GYG1: variants seen among roughly 807,000 people sequenced by gnomAD.
GYG1 encodes the protein glycogenin 1.
A neutral mutation model predicts 41.9 loss-of-function variants in GYG1; 44 were observed. That is an observed-to-expected ratio of 1.05 (90% CI 0.83 to 1.35). GYG1 has a LOEUF of 1.35. GYG1 is among the 40% of genes most tolerant of loss of function. The pLI, the probability that GYG1 is intolerant of heterozygous loss-of-function variation, is 0.00. For missense variants in GYG1, 429 were observed against 418.9 expected (o/e 1.02, Z -0.21); for synonymous variants, 141 against 158.1 (o/e 0.89, Z 0.81).
intron 5 of GYG1, among the ~76,000 whole-genome samples, chr3:149,016,798 G>T (rs16861285): frequency 0.018 from 2,742 of 152,278 alleles, 87 homozygotes; most frequent in African/African-American, 0.062. Flanking sequence ...TTGTGAGTGC[G>T]TGAGAGAGGA....
chr3:149,018,180 C>G (rs536073197), intron 5 of GYG1, among the ~76,000 whole-genome samples: 1 of 152,080 alleles, frequency 6.6e-6, no homozygotes, highest in African/African-American at 2.4e-5. Flanking sequence ...AGACATTTCT[C>G]AGAGAACGTA....
At chr3:149,023,116 T>C (rs1714458750) in intron 5 of GYG1, among the ~76,000 whole-genome samples, 1 of 152,186 alleles carries the variant, frequency 6.6e-6, no homozygotes. Flanking sequence ...CTGTTCCATG[T>C]TTCTTTTTTC....
chr3:149,021,775 T>A (rs1413731003), intron 5 of GYG1, among the ~76,000 whole-genome samples: 10 of 151,770 alleles, frequency 6.6e-5, no homozygotes, highest in Non-Finnish European at 2.9e-5. Context: ...TTTTTTTTTT[T>A]AATAAACTTT....
intron 4 of GYG1, among the ~76,000 whole-genome samples, chr3:148,997,661 T>C (rs923746591): frequency 2.0e-5 from 3 of 152,192 alleles, no homozygotes; most frequent in Non-Finnish European, 4.4e-5. Flanking sequence ...ACAAAACCAA[T>C]AGTTAATATG....
chr3:149,017,937 T>C (rs1247174505), intron 5 of GYG1, among the ~76,000 whole-genome samples: 1 of 152,046 alleles, frequency 6.6e-6, no homozygotes, highest in Admixed American at 6.6e-5. Context: ...AGCCATGCAA[T>C]GTAAATTCTG....
intron 6 of GYG1, among the ~76,000 whole-genome samples, 162 bp downstream of exon 6, chr3:149,024,434 G>A (rs1714541189): frequency 6.6e-6 from 1 of 152,214 alleles, no homozygotes; most frequent in Non-Finnish European, 1.5e-5. Context: ...TTACCAGCAA[G>A]AAGTAGCAGA....
intron 4 of GYG1, chr3:149,001,642 G>A (rs541149892): frequency 1.3e-5 from 2 of 152,314 alleles, no homozygotes; most frequent in South Asian, 2.1e-4. Flanking sequence ...TTGAGAGCCT[G>A]CTATCTAGCT....
intron 4 of GYG1, chr3:149,007,979 A>T (rs1169982656): frequency 6.6e-6 from 1 of 152,208 alleles, no homozygotes; most frequent in Non-Finnish European, 1.5e-5. Context: ...AATGGCCATG[A>T]TCCCCGCTTT....
intron 5 of GYG1, among the ~76,000 whole-genome samples, chr3:149,019,068 T>TA (rs67695680): frequency 0.21 from 24,897 of 118,956 alleles, 2,781 homozygotes; most frequent in East Asian, 0.37. Flanking sequence ...GACACTGTCT[T>TA]AAAAAAAAAA....
chr3:149,026,194 C>T (rs1339307997), intron 6 of GYG1, among the ~76,000 whole-genome samples: 1 of 152,230 alleles, frequency 6.6e-6, no homozygotes, highest in African/African-American at 2.4e-5. Context: ...ACAGATGCTA[C>T]TTGGTAATCC....
At chr3:149,016,260 C>CAAA (rs369746026) in intron 5 of GYG1, among the ~76,000 whole-genome samples, 6,309 of 69,826 alleles carry the variant, frequency 0.09, 349 homozygotes, top group Admixed American at 0.13. Context: ...GACTCCGTCT[C>CAAA]AAAAAAAAAA....
chr3:148,996,594 C>A, intron 3 of GYG1, 118 bp downstream of exon 3: 1 of 1,202,806 alleles, frequency 8.3e-7, no homozygotes, highest in Non-Finnish European at 1.2e-6. Context: ...GAACCACTGT[C>A]ATGAAATATG....
At chr3:149,021,591 C>T (rs1714377224) in intron 5 of GYG1, among the ~76,000 whole-genome samples, 1 of 152,178 alleles carries the variant, frequency 6.6e-6, no homozygotes, top group African/African-American at 2.4e-5. Context: ...AACCCCATCT[C>T]TGCCACTTAG....
intron 4 of GYG1, among the ~76,000 whole-genome samples, chr3:149,004,626 C>T (rs1288002931): frequency 1.3e-5 from 2 of 152,182 alleles, no homozygotes; most frequent in African/African-American, 4.8e-5. Flanking sequence ...TATTTTTAAT[C>T]CACAATTTTG....
chr3:149,002,291 C>T (rs933197187), intron 4 of GYG1, among the ~76,000 whole-genome samples: 14 of 152,170 alleles, frequency 9.2e-5, no homozygotes, highest in African/African-American at 3.4e-4. Context: ...AACTAATACA[C>T]AGTTATGTAA....
chr3:149,008,276 G>A (rs1305563953), intron 4 of GYG1: 1 of 152,188 alleles, frequency 6.6e-6, no homozygotes, highest in Non-Finnish European at 1.5e-5. Flanking sequence ...TCTTTAACTG[G>A]AAATAAAGTG....
rs574606606 is a variant in GYG1 at position 149,012,745 on chromosome 3, C to T, written c.608+3343C>T. ...TTGTAAGGGAAGATCCTCTTTAACA[C>T]GGCATAATTTGAAAATTAAAATGCT... On this transcript the variant is annotated intron_variant, in intron 5 of 7. Coordinates refer to ENST00000345003, the MANE Select transcript of GYG1 (RefSeq NM_004130.4). 5.3e-4 allele frequency among the ~76,000 whole-genome samples: 80 copies of T among 151,896 alleles called. 1 individual carries two copies. Among genetic ancestry groups the T allele is most frequent in the Non-Finnish European group, 9.3e-4 (63 of 67,966 alleles).
At chr3:149,003,235 C>T (rs1713200525) in intron 4 of GYG1, among the ~76,000 whole-genome samples, 2 of 151,694 alleles carry the variant, frequency 1.3e-5, no homozygotes, top group African/African-American at 2.4e-5. Context: ...CCTGCCTCAG[C>T]CTCCTGAGTA....
chr3:149,023,946 ACTGT>A, intron 5 of GYG1, 103 bp from the exon 6 acceptor site: 1 of 794,044 alleles, frequency 1.3e-6, no homozygotes, highest in South Asian at 1.4e-5. Flanking sequence ...AGAGTGAGAC[ACTGT>A]CTCTTAAGAA....
Sources: gnomAD v4.1 joint callset for allele counts (sites outside exome capture counted in the v4.1 genomes callset) on GRCh38, gnomAD v4.1.1 for gene constraint, MANE v1.5 for transcripts, NCBI Gene and HGNC (gene_info 2026-07-23, HGNC 2026-07-21) for gene names.